ZNF536: variants seen among roughly 807,000 people sequenced by gnomAD.
ZNF536 encodes the protein zinc finger protein 536.
A neutral mutation model predicts 84.5 loss-of-function variants in ZNF536; 13 were observed. The observed-to-expected ratio is 0.15, with a 90% CI of 0.10 to 0.24. ZNF536 has a LOEUF of 0.24. ZNF536 is among the 10% of genes least tolerant of loss of function. The pLI is 1.00. For synonymous variants in ZNF536, 811 were observed against 742.5 expected (o/e 1.09, Z -1.50); for missense variants, 1,536 against 1,747.5 (o/e 0.88, Z 2.16).
At chr19:30,481,013 A>G (rs575018583) in intron 2 of ZNF536, among the ~76,000 whole-genome samples, 3 of 121,626 alleles carry the variant, frequency 2.5e-5, no homozygotes, top group Non-Finnish European at 5.5e-5. Flanking sequence ...TGGGCAACAG[A>G]GTTAGACCCT....
At position 30,549,557 on chromosome 19, in the gene ZNF536, A is replaced by G. The variant is rs1181025108; in HGVS notation, c.3895+43A>G. 8.1e-6 allele frequency: 12 copies of G among 1,490,030 alleles called. No homozygotes were observed. In the Middle Eastern group the frequency reaches 6.3e-4, roughly 79 times the overall value. 92.3% of individuals were successfully genotyped at this position (1,490,030 alleles called of 1,614,324 possible). ...CTTCCTATAGTTCATTTCCCAAAACATCAGTGCTGAATTGTGCATTTAAAA... is the reference window on the plus strand; with the variant it reads ...CTTCCTATAGTTCATTTCCCAAAACGTCAGTGCTGAATTGTGCATTTAAAA... On this transcript the variant is annotated intron_variant, in intron 4 of 4. Transcript: ENST00000355537.
intron 3 of ZNF536, among the ~76,000 whole-genome samples, chr19:30,540,641 T>C (rs1055460725): frequency 6.6e-6 from 1 of 152,246 alleles, no homozygotes; most frequent in South Asian, 2.1e-4. Flanking sequence ...TGTCCAGGCT[T>C]GGATTAAAGG....
chr19:30,478,075 C>G (rs371021528), intron 2 of ZNF536, among the ~76,000 whole-genome samples: 24 of 151,768 alleles, frequency 1.6e-4, no homozygotes, highest in Non-Finnish European at 3.4e-4. Context: ...TGAAGGAGCT[C>G]GGGAACAGAG....
chr19:30,552,805 A>G (rs2045831622), intron 4 of ZNF536, among the ~76,000 whole-genome samples: 4 of 152,156 alleles, frequency 2.6e-5, no homozygotes, highest in Admixed American at 2.6e-4. Context: ...TGCATATGAC[A>G]GTGTCGAGAG....
chr19:30,234,374 A>G (rs180907062), intron 1 of ZNF536, among the ~76,000 whole-genome samples: 11 of 126,354 alleles, frequency 8.7e-5, no homozygotes, highest in African/African-American at 1.5e-4. Context: ...CTATTTGTCT[A>G]TTTGGGACCA....
intron 2 of ZNF536, among the ~76,000 whole-genome samples, chr19:30,492,424 T>C (rs1330386722): frequency 6.6e-6 from 1 of 152,156 alleles, no homozygotes; most frequent in Non-Finnish European, 1.5e-5. Context: ...TTCTGGGGAA[T>C]GTTTGTTTTC....
chr19:30,262,891 C>G (rs1315385426), intron 1 of ZNF536, among the ~76,000 whole-genome samples: 1 of 152,160 alleles, frequency 6.6e-6, no homozygotes, highest in Non-Finnish European at 1.5e-5. Context: ...TTTCTGCCCT[C>G]GTGGAATTTG....
intron 3 of ZNF536, among the ~76,000 whole-genome samples, chr19:30,353,602 C>T (rs1390679396): frequency 6.6e-6 from 1 of 152,128 alleles, no homozygotes; most frequent in Non-Finnish European, 1.5e-5. Flanking sequence ...GGCTTCCGGG[C>T]CCCGGGCTTC....
At chr19:30,515,829 C>T (rs1437209849) in intron 2 of ZNF536, among the ~76,000 whole-genome samples, 1 of 151,826 alleles carries the variant, frequency 6.6e-6, no homozygotes, top group Non-Finnish European at 1.5e-5. Context: ...AGTTCGAGAC[C>T]AGCCTGGCCA....
At chr19:30,569,559 C>CTTTTTTTTTT (rs34995610) in intron 1 of ZNF536, among the ~76,000 whole-genome samples, 934 of 55,054 alleles carry the variant, frequency 0.017, 222 homozygotes, top group East Asian at 0.055. Flanking sequence ...GATAAACGTT[C>CTTTTTTTTTT]TTTTTTTTTT....
chr19:30,411,695 A>G (rs1392016711), intron 1 of ZNF536, among the ~76,000 whole-genome samples: 1 of 152,006 alleles, frequency 6.6e-6, no homozygotes, highest in East Asian at 1.9e-4. Context: ...CATTATTTCA[A>G]TTATTATAGT....
At chr19:30,395,448 A>G (rs538138665) in intron 1 of ZNF536, among the ~76,000 whole-genome samples, 16 of 152,324 alleles carry the variant, frequency 1.1e-4, no homozygotes, top group African/African-American at 2.9e-4. Flanking sequence ...TGAATGTGTC[A>G]GAGTGATTGG....
rs2052271541 is a variant in ZNF536 at position 30,445,329 on chromosome 19, C to T, written c.1767C>T (p.Gly589=). 6.2e-7 allele frequency: 1 copy of T among 1,614,180 alleles called. No individual in the cohort carries two copies. Among genetic ancestry groups the T allele is most frequent in the Non-Finnish European group, 8.5e-7 (1 of 1,180,038 alleles). Residue 589 remains glycine (G), a synonymous_variant, in exon 2 of 5, where the codon GGC becomes GGT. Coordinates refer to ENST00000355537, the MANE Select transcript of ZNF536 (RefSeq NM_014717.3). The surrounding 1 kb of genome is among the most constrained non-coding windows in gnomAD (Gnocchi z 4.5). ...PADLVHSTKV[G]SQRDLPSKLD... ...ATTTGGTTCACAGCACTAAAGTGGG[C>T]AGCCAGAGAGACCTGCCAAGTAAGC...
intron 1 of ZNF536, among the ~76,000 whole-genome samples, chr19:30,581,793 G>A (rs1053371103): frequency 1.3e-5 from 2 of 151,970 alleles, no homozygotes; most frequent in African/African-American, 2.4e-5. Context: ...AAAATTAGCC[G>A]GGCATGGTGG....
intron 1 of ZNF536, among the ~76,000 whole-genome samples, chr19:30,573,814 C>A (rs1011303875): frequency 1.3e-5 from 2 of 152,288 alleles, no homozygotes; most frequent in South Asian, 2.1e-4. Flanking sequence ...GTTGCTCAGA[C>A]CTGCCTGCAC....
At chr19:30,305,881 C>T (rs1371340038) in intron 2 of ZNF536, among the ~76,000 whole-genome samples, 3 of 152,236 alleles carry the variant, frequency 2.0e-5, no homozygotes, top group Non-Finnish European at 4.4e-5. Flanking sequence ...TGTCCTCCCT[C>T]GGTCCACCCG....
chr19:30,331,928 C>G (rs2047224602), intron 2 of ZNF536, among the ~76,000 whole-genome samples: 1 of 152,162 alleles, frequency 6.6e-6, no homozygotes, highest in Admixed American at 6.5e-5. Flanking sequence ...ATTATCAGCT[C>G]TTAGCTCTGT....
intron 1 of ZNF536, among the ~76,000 whole-genome samples, chr19:30,402,369 C>T (rs1825399822): frequency 6.6e-6 from 1 of 152,000 alleles, no homozygotes; most frequent in Admixed American, 6.6e-5. Flanking sequence ...TTACTTTTCT[C>T]TTGAATGGGT....
At chr19:30,582,375 CTTTTTTTTTT>C (rs35509271) in intron 1 of ZNF536, among the ~76,000 whole-genome samples, 3,279 of 89,216 alleles carry the variant, frequency 0.037, 165 homozygotes, top group African/African-American at 0.12. Context: ...CCTAGTTTCT[CTTTTTTTTTT>C]TTTTTTTTTT....
Sources: gnomAD v4.1 joint callset for allele counts (sites outside exome capture counted in the v4.1 genomes callset) on GRCh38, gnomAD v4.1.1 for gene constraint, Gnocchi (gnomAD v3.1) non-coding constraint, MANE v1.5 for transcripts, NCBI Gene and HGNC (gene_info 2026-07-23, HGNC 2026-07-21) for gene names.